The following ADAMTSL1 variants were observed in gnomAD, a reference collection of about 807,000 sequenced individuals.
The protein encoded by ADAMTSL1 is ADAMTS like 1, also known as ADAMTS-like protein 1.
A neutral mutation model predicts 201.8 loss-of-function variants in ADAMTSL1; 126 were observed. That is an observed-to-expected ratio of 0.62 (90% CI 0.54 to 0.72). The LOEUF is 0.72. Among genes scored for constraint, ADAMTSL1 ranks in the 30% least tolerant of loss-of-function variants. The pLI is 0.00. For missense variants in ADAMTSL1, 2,679 were observed against 2,277.8 expected (o/e 1.18, Z -3.59); for synonymous variants, 1,121 against 903.4 (o/e 1.24, Z -4.32).
At chr9:18,156,868 G>C (rs1343282312) in intron 1 of ADAMTSL1, among the ~76,000 whole-genome samples, 1 of 152,072 alleles carries the variant, frequency 6.6e-6, no homozygotes, top group Non-Finnish European at 1.5e-5. Context: ...ACAGAATCCT[G>C]TTCCCTTCGT....
At chr9:18,220,780 A>AT (rs111576899) in intron 2 of ADAMTSL1, among the ~76,000 whole-genome samples, 266 of 145,104 alleles carry the variant, frequency 1.8e-3, no homozygotes, top group Middle Eastern at 3.6e-3. Context: ...GTTACTCCTA[A>AT]TTTTTTTTTT....
intron 2 of ADAMTSL1, among the ~76,000 whole-genome samples, chr9:18,202,258 C>G (rs894859163): frequency 6.6e-5 from 10 of 152,130 alleles, no homozygotes; most frequent in Non-Finnish European, 1.5e-4. Flanking sequence ...GAAATTTCAA[C>G]AGATTTCTTG....
intron 2 of ADAMTSL1, among the ~76,000 whole-genome samples, chr9:18,251,728 C>G (rs927432732): frequency 6.6e-6 from 1 of 152,094 alleles, no homozygotes; most frequent in African/African-American, 2.4e-5. Flanking sequence ...GTTTCTATAA[C>G]CCTACTACAA....
chr9:18,450,087 A>G (rs2131667400), intron 2 of ADAMTSL1, among the ~76,000 whole-genome samples: 1 of 152,314 alleles, frequency 6.6e-6, no homozygotes, highest in East Asian at 1.9e-4. Context: ...TTTGTAATAG[A>G]TTTATTCATA....
intron 1 of ADAMTSL1, among the ~76,000 whole-genome samples, chr9:18,474,622 A>G (rs561969884): frequency 2.0e-5 from 3 of 152,232 alleles, no homozygotes; most frequent in East Asian, 3.9e-4. Context: ...TGGAATTTGG[A>G]TAACAGACAT....
In ADAMTSL1 at chr9:18,514,224, A is replaced by C. The variant is rs113443502; in HGVS notation, c.191+9268A>C. ...CCTTCACTTCCTTAGTTTATTCCTAAGTATTTTATTCTTTTTGATGTGATT... is the reference window on the plus strand; with the variant it reads ...CCTTCACTTCCTTAGTTTATTCCTACGTATTTTATTCTTTTTGATGTGATT... On this transcript the variant is annotated intron_variant, in intron 2 of 28. Transcript: ENST00000380548. 7.7e-3 allele frequency among the ~76,000 whole-genome samples: 1,162 copies of C among 151,670 alleles called. 12 individuals carry two copies. The highest frequency in any genetic ancestry group is 0.014 in the Middle Eastern group (4 of 294).
At chr9:17,955,847 T>G (rs1301981907) in intron 1 of ADAMTSL1, among the ~76,000 whole-genome samples, 1 of 152,196 alleles carries the variant, frequency 6.6e-6, no homozygotes, top group African/African-American at 2.4e-5. Flanking sequence ...GTTCTATCCA[T>G]GGATTCAGGT....
intron 1 of ADAMTSL1, among the ~76,000 whole-genome samples, chr9:18,082,129 T>C (rs1017338451): frequency 6.6e-6 from 1 of 152,242 alleles, no homozygotes; most frequent in Non-Finnish European, 1.5e-5. Context: ...ATCTTTAATG[T>C]TGAAAATTGT....
At chr9:18,857,525 C>T (rs1463130413) in intron 23 of ADAMTSL1, among the ~76,000 whole-genome samples, 1 of 152,210 alleles carries the variant, frequency 6.6e-6, no homozygotes, top group African/African-American at 2.4e-5. Context: ...AAGAACATCA[C>T]AGAAGTGATG....
At chr9:18,038,380 A>G (rs1486621011) in intron 1 of ADAMTSL1, among the ~76,000 whole-genome samples, 1 of 152,198 alleles carries the variant, frequency 6.6e-6, no homozygotes, top group African/African-American at 2.4e-5. Flanking sequence ...TATTCCTGCC[A>G]GCAAGTCAAT....
Position 18,073,495 on chromosome 9 carries a change from G to C in ADAMTSL1, c.88-90367G>C, listed in dbSNP as rs190725590. Reference sequence around the variant, plus strand: ...TTTACAGAGGAAATTACATGCCACAGTGGTGTTTGCACTTGGGGGATTGGT... The same window carrying C: ...TTTACAGAGGAAATTACATGCCACACTGGTGTTTGCACTTGGGGGATTGGT... On this transcript the variant is annotated intron_variant, in intron 1 of 29. Coordinates refer to the ADAMTSL1 transcript ENST00000680146. 8.1e-3 allele frequency among the ~76,000 whole-genome samples: 1,229 copies of C among 152,324 alleles called. 13 individuals carry two copies. The highest frequency in any genetic ancestry group is 9.8e-3 in the Non-Finnish European group (665 of 68,032).
At chr9:17,932,534 C>T (rs1163510822) in intron 1 of ADAMTSL1, among the ~76,000 whole-genome samples, 1 of 152,092 alleles carries the variant, frequency 6.6e-6, no homozygotes, top group Admixed American at 6.6e-5. Context: ...CGCAGTAGAG[C>T]TATCTCTCTG....
chr9:18,682,781 A>G (rs990054918), intron 12 of ADAMTSL1, among the ~76,000 whole-genome samples: 2 of 152,150 alleles, frequency 1.3e-5, no homozygotes, highest in African/African-American at 2.4e-5. Flanking sequence ...TTATTATACT[A>G]TAGGTGGCCC....
intron 1 of ADAMTSL1, among the ~76,000 whole-genome samples, chr9:18,111,748 T>C (rs1825021890): frequency 6.6e-6 from 1 of 152,082 alleles, no homozygotes; most frequent in Admixed American, 6.6e-5. Flanking sequence ...AAGTAAGAAG[T>C]TGGGGTCACG....
intron 2 of ADAMTSL1, among the ~76,000 whole-genome samples, chr9:18,253,745 G>T (rs1273998111): frequency 6.6e-6 from 1 of 152,112 alleles, no homozygotes; most frequent in African/African-American, 2.4e-5. Context: ...ATGCTTTAAA[G>T]AAATTCTAGC....
chr9:18,838,397 AC>A (rs879638767), intron 23 of ADAMTSL1, among the ~76,000 whole-genome samples: 6,168 of 148,336 alleles, frequency 0.042, 350 homozygotes, highest in African/African-American at 0.11. Flanking sequence ...ACACACACAC[AC>A]ACACGCAAAA....
intron 1 of ADAMTSL1, among the ~76,000 whole-genome samples, chr9:18,063,237 G>A (rs1227235598): frequency 2.0e-5 from 3 of 152,112 alleles, no homozygotes; most frequent in African/African-American, 4.8e-5. Flanking sequence ...TAGTTTCAGC[G>A]ACTTGGAAGG....
intron 5 of ADAMTSL1, among the ~76,000 whole-genome samples, chr9:18,627,351 C>A (rs55906017): frequency 1.3e-5 from 2 of 152,112 alleles, no homozygotes; most frequent in Admixed American, 6.6e-5. Flanking sequence ...TTTGCATTTT[C>A]CTAATGGCTA....
intron 2 of ADAMTSL1, among the ~76,000 whole-genome samples, chr9:18,317,237 G>T (rs2132832213): frequency 6.6e-6 from 1 of 152,222 alleles, no homozygotes; most frequent in South Asian, 2.1e-4. Flanking sequence ...GCTAGAGGAA[G>T]GGATGAGGAA....
Sources: gnomAD v4.1 joint callset for allele counts (sites outside exome capture counted in the v4.1 genomes callset) on GRCh38, gnomAD v4.1.1 for gene constraint, MANE v1.5 for transcripts, NCBI Gene and HGNC (gene_info 2026-07-23, HGNC 2026-07-21) for gene names.